The following TNRC6A variants were observed in gnomAD, a reference collection of about 807,000 sequenced individuals.
The protein encoded by TNRC6A is trinucleotide repeat-containing gene 6A protein.
In TNRC6A, 44 loss-of-function variants were observed where a neutral mutation model predicts 221.2. The ratio of observed to expected loss-of-function variants is 0.20; its 90% confidence interval spans 0.16 to 0.26. TNRC6A has a LOEUF of 0.26. Among genes scored for constraint, TNRC6A ranks in the 10% least tolerant of loss-of-function variants. TNRC6A has a pLI of 1.00. For synonymous variants in TNRC6A, 847 were observed against 838.5 expected, an observed-to-expected ratio of 1.01 and a Z score of -0.18; for missense variants, 2,199 against 2,404.4, an observed-to-expected ratio of 0.91 and a Z score of 1.79.
In TNRC6A at chr16:24,757,214, T is replaced by G. The variant is rs141656277; in HGVS notation, c.142-1125T>G. 4.4e-3 allele frequency among the ~76,000 whole-genome samples: 663 copies of G among 152,298 alleles called. 3 individuals are homozygous for G. Among genetic ancestry groups the G allele is most frequent in the Middle Eastern group, 0.01 (3 of 294 alleles). On this transcript the variant is annotated intron_variant, in intron 3 of 24. Transcript: ENST00000395799. ...TTGTATTTCACTAGTGCTCTAAAAC[T>G]TAGCAAAGCACTTACGTGGTGGAGC... is the stretch of plus-strand genomic sequence containing the variant.
intron 11 of TNRC6A, 70 bp from the exon 12 acceptor site, chr16:24,804,107 T>C (rs2058381107): frequency 6.7e-7 from 1 of 1,491,304 alleles, no homozygotes; most frequent in Non-Finnish European, 8.9e-7. Flanking sequence ...GTGTTTTGCT[T>C]TTGTTGTAAA....
At chr16:24,816,677 C>G in intron 19 of TNRC6A, 139 bp from the exon 20 acceptor site, 2 of 1,015,410 alleles carry the variant, frequency 2.0e-6, no homozygotes, top group Non-Finnish European at 2.8e-6. Flanking sequence ...ATTAACTGAA[C>G]CATCCTCTTA....
Position 24,767,546 on chromosome 16 carries a change from T to TA in TNRC6A, c.163+9189dup, listed in dbSNP as rs577686255. Among the ~76,000 whole-genome samples the TA allele has an allele frequency of 1.4e-4, 22 of 152,312 alleles. 1 individual carries two copies. The South Asian group carries it at 4.6e-3, about 32-fold the overall frequency. On this transcript the variant is annotated intron_variant, in intron 4 of 24. Coordinates refer to ENST00000395799, the MANE Select transcript of TNRC6A (RefSeq NM_014494.4). ...TTTTATCAAATTTATTTTTTATTCT[T>TA]AAAGTTCTTGACTAATTGCTATGCT... is the stretch of plus-strand genomic sequence containing the variant.
At chr16:24,705,527 T>C (rs1158307313) in intron 2 of TNRC6A, among the ~76,000 whole-genome samples, 2 of 152,182 alleles carry the variant, frequency 1.3e-5, no homozygotes, top group Non-Finnish European at 2.9e-5. Flanking sequence ...AGATGGCGTT[T>C]CGCCATGTTG....
At chr16:24,678,579 C>T (rs2055467204) in intron 2 of TNRC6A, among the ~76,000 whole-genome samples, 1 of 152,162 alleles carries the variant, frequency 6.6e-6, no homozygotes, top group Admixed American at 6.6e-5. Context: ...GTGGCGCATG[C>T]CTGTAGCCCC....
At chr16:24,655,385 C>A (rs802764) in intron 2 of TNRC6A, among the ~76,000 whole-genome samples, 109,309 of 152,162 alleles carry the variant, frequency 0.72, 40,828 homozygotes, top group East Asian at 0.99. Context: ...ATAAGGGGAA[C>A]AGTCTTTTAA....
chr16:24,786,002 T>C (rs1168045492), intron 5 of TNRC6A, among the ~76,000 whole-genome samples: 1 of 152,178 alleles, frequency 6.6e-6, no homozygotes, highest in African/African-American at 2.4e-5. Flanking sequence ...GAGAAAAACT[T>C]GTAAAGAAGC....
intron 5 of TNRC6A, among the ~76,000 whole-genome samples, chr16:24,779,110 A>T (rs956882711): frequency 6.6e-6 from 1 of 152,216 alleles, no homozygotes; most frequent in African/African-American, 2.4e-5. Context: ...AAAAATATCA[A>T]AAGTGTTACA....
intron 19 of TNRC6A, chr16:24,815,925 G>T (rs984935891): frequency 6.4e-6 from 1 of 155,072 alleles, no homozygotes; most frequent in Non-Finnish European, 1.4e-5. Flanking sequence ...TCATACATAG[G>T]AGTTACCAGA....
upstream of TNRC6A, among the ~76,000 whole-genome samples, chr16:24,728,454 T>G (rs544706729): frequency 1.4e-5 from 2 of 147,614 alleles, no homozygotes; most frequent in Admixed American, 6.8e-5. Flanking sequence ...CTAAAAAAAA[T>G]GATAATATAA....
At chr16:24,611,005 G>C (rs1900029342) in intron 1 of TNRC6A, among the ~76,000 whole-genome samples, 1 of 151,946 alleles carries the variant, frequency 6.6e-6, no homozygotes. Flanking sequence ...TAGAGATGGG[G>C]TTTCACCATG....
intron 4 of TNRC6A, among the ~76,000 whole-genome samples, chr16:24,765,432 T>G (rs1050986549): frequency 6.6e-6 from 1 of 152,108 alleles, no homozygotes; most frequent in Non-Finnish European, 1.5e-5. Context: ...ATCACACAGG[T>G]TGGGTAGTTC....
chr16:24,672,290 T>G (rs1034080308), intron 2 of TNRC6A, among the ~76,000 whole-genome samples: 2 of 151,794 alleles, frequency 1.3e-5, no homozygotes, highest in African/African-American at 4.8e-5. Context: ...CCTGGCTAAT[T>G]TTTTTTTCTT....
At chr16:24,783,912 A>G (rs994369993) in intron 5 of TNRC6A, among the ~76,000 whole-genome samples, 3 of 152,182 alleles carry the variant, frequency 2.0e-5, no homozygotes, top group Non-Finnish European at 2.9e-5. Context: ...ACTCTGAAAC[A>G]TATTAGTTAT....
At chr16:24,820,839 T>G (rs2058752517) in intron 22 of TNRC6A, among the ~76,000 whole-genome samples, 1 of 152,224 alleles carries the variant, frequency 6.6e-6, no homozygotes, top group Non-Finnish European at 1.5e-5. Context: ...CCTCATTCTA[T>G]AATGACTAAC....
chr16:24,692,399 G>A (rs1276101128), intron 2 of TNRC6A, among the ~76,000 whole-genome samples: 1 of 151,966 alleles, frequency 6.6e-6, no homozygotes, highest in African/African-American at 2.4e-5. Flanking sequence ...GGTGAAACCC[G>A]TCTCTACTAA....
intron 2 of TNRC6A, among the ~76,000 whole-genome samples, chr16:24,648,487 G>A (rs958728962): frequency 9.2e-5 from 14 of 151,744 alleles, no homozygotes; most frequent in Non-Finnish European, 1.8e-4. Context: ...AGCCAGGATG[G>A]TCTCGATCTC....
At chr16:24,801,800 G>A (rs2058337390) in intron 11 of TNRC6A, among the ~76,000 whole-genome samples, 1 of 152,200 alleles carries the variant, frequency 6.6e-6, no homozygotes, top group South Asian at 2.1e-4. Flanking sequence ...AAAGGTATTT[G>A]CATAGGCAAA....
At chr16:24,787,920 AAG>A (rs1374561230) in intron 5 of TNRC6A, among the ~76,000 whole-genome samples, 1 of 152,192 alleles carries the variant, frequency 6.6e-6, no homozygotes, top group African/African-American at 2.4e-5. Context: ...CACTGCCTTG[AAG>A]ATATATACTT....
Sources: allele counts gnomAD v4.1 joint callset (sites outside exome capture counted in the v4.1 genomes callset), GRCh38; gene constraint gnomAD v4.1.1; transcripts MANE v1.5; gene names NCBI Gene and HGNC (gene_info 2026-07-23, HGNC 2026-07-21).